The following AMOTL1 variants were observed in gnomAD, a reference collection of about 807,000 sequenced individuals.
AMOTL1 encodes the protein angiomotin like 1, also known as angiomotin-like protein 1.
A neutral mutation model predicts 102.9 loss-of-function variants in AMOTL1; 45 were observed. The ratio of observed to expected loss-of-function variants is 0.44; its 90% CI spans 0.34 to 0.56. The LOEUF (loss-of-function observed/expected upper bound fraction) is 0.56. Among genes scored for constraint, AMOTL1 ranks in the 20% least tolerant of loss-of-function variants. The pLI is 0.01. For synonymous variants in AMOTL1, 481 were observed against 484.7 expected, an observed-to-expected ratio of 0.99 and a Z score of 0.10; for missense variants, 1,114 against 1,225.6, an observed-to-expected ratio of 0.91 and a Z score of 1.36.
intron 3 of AMOTL1, among the ~76,000 whole-genome samples, chr11:94,745,555 G>T (rs1169167715): frequency 1.3e-5 from 2 of 152,120 alleles, no homozygotes; most frequent in Non-Finnish European, 2.9e-5. Context: ...TTTTTATTAT[G>T]TTGTGTCATC....
chr11:94,836,590 GT>G (rs1952186785), intron 6 of AMOTL1, among the ~76,000 whole-genome samples: 1 of 152,168 alleles, frequency 6.6e-6, no homozygotes, highest in South Asian at 2.1e-4. Context: ...CTTATGCAGT[GT>G]CAGTATCAAA....
At chr11:94,792,893 G>C (rs1228564533) in intron 1 of AMOTL1, among the ~76,000 whole-genome samples, 1 of 152,120 alleles carries the variant, frequency 6.6e-6, no homozygotes, top group Non-Finnish European at 1.5e-5. Flanking sequence ...GTGTTCTGTG[G>C]TTTGGAGTTC....
At chr11:94,774,935 C>A (rs926416870) in intron 1 of AMOTL1, among the ~76,000 whole-genome samples, 2 of 152,180 alleles carry the variant, frequency 1.3e-5, no homozygotes, top group African/African-American at 4.8e-5. Flanking sequence ...GCCTCACTTT[C>A]CTGACCATGA....
chr11:94,740,819 G>A, intron 2 of AMOTL1: 1 of 784,452 alleles, frequency 1.3e-6, no homozygotes, highest in Non-Finnish European at 1.9e-6. Context: ...CAGGGATTCT[G>A]AGCGCTGGGA....
chr11:94,762,630 A>G (rs1157943729), intron 3 of AMOTL1, among the ~76,000 whole-genome samples: 1 of 152,170 alleles, frequency 6.6e-6, no homozygotes, highest in African/African-American at 2.4e-5. Context: ...CATGTATCGA[A>G]TATCTACTCC....
At chr11:94,769,371 C>T (rs1473975688) in intron 1 of AMOTL1, among the ~76,000 whole-genome samples, 4 of 152,134 alleles carry the variant, frequency 2.6e-5, no homozygotes, top group Non-Finnish European at 4.4e-5. Flanking sequence ...GCCCCATAGG[C>T]GGCCGGGCTG....
intron 9 of AMOTL1, 41 bp from the exon 10 acceptor site, chr11:94,864,694 G>A (rs1427803768): frequency 4.4e-6 from 7 of 1,596,866 alleles, no homozygotes; most frequent in African/African-American, 4.0e-5. Context: ...GACAAAGCAA[G>A]AAGGTTTCCT....
At chr11:94,730,203 A>C (rs1211437248) in intron 2 of AMOTL1, among the ~76,000 whole-genome samples, 6 of 152,036 alleles carry the variant, frequency 3.9e-5, no homozygotes, top group Middle Eastern at 3.4e-3. Flanking sequence ...TCCAGATCTG[A>C]CCTCTGCCTG....
chr11:94,794,875 T>C, intron 1 of AMOTL1, 136 bp from the exon 2 acceptor site: 4 of 1,016,076 alleles, frequency 3.9e-6, no homozygotes, highest in Non-Finnish European at 5.6e-6. Flanking sequence ...TTTGGAATTT[T>C]ATGAATCAAA....
chr11:94,851,045 C>T (rs1000794388), intron 7 of AMOTL1, among the ~76,000 whole-genome samples: 1 of 152,174 alleles, frequency 6.6e-6, no homozygotes, highest in East Asian at 1.9e-4. Context: ...ATGGAGTAAA[C>T]GAGGGTCTTG....
intron 9 of AMOTL1, 83 bp from the exon 10 acceptor site, chr11:94,864,652 C>G (rs1178522130): frequency 3.2e-6 from 5 of 1,540,026 alleles, no homozygotes; most frequent in African/African-American, 1.4e-5. Flanking sequence ...GCATGAACAC[C>G]AGCCTCTCCA....
At chr11:94,721,291 T>C (rs1217146836) in intron 1 of AMOTL1, among the ~76,000 whole-genome samples, 2 of 152,166 alleles carry the variant, frequency 1.3e-5, no homozygotes, top group Non-Finnish European at 2.9e-5. Flanking sequence ...TTTTCAATAA[T>C]AATGTTTTAT....
chr11:94,767,959 T>G (rs1447815065), upstream of AMOTL1, among the ~76,000 whole-genome samples: 2 of 152,110 alleles, frequency 1.3e-5, no homozygotes, highest in East Asian at 3.8e-4. Flanking sequence ...ACTTTCTACC[T>G]GGAAATTCCA....
At chr11:94,807,555 G>T (rs955513218) in intron 3 of AMOTL1, among the ~76,000 whole-genome samples, 2 of 152,126 alleles carry the variant, frequency 1.3e-5, no homozygotes, top group African/African-American at 4.8e-5. Context: ...AAGAGTAGAA[G>T]AAAAATCCAT....
intron 2 of AMOTL1, among the ~76,000 whole-genome samples, chr11:94,795,632 T>C (rs1405293801): frequency 1.3e-5 from 2 of 152,212 alleles, no homozygotes; most frequent in African/African-American, 4.8e-5. Flanking sequence ...GGTTAAACTG[T>C]GAGGGAATCT....
intron 1 of AMOTL1, among the ~76,000 whole-genome samples, chr11:94,720,333 A>C (rs1591889869): frequency 6.6e-6 from 1 of 152,280 alleles, no homozygotes; most frequent in South Asian, 2.1e-4. Context: ...AATCGCATGG[A>C]AAACCAGAAA....
At chr11:94,812,257 C>T (rs1951695249) in intron 3 of AMOTL1, among the ~76,000 whole-genome samples, 2 of 152,014 alleles carry the variant, frequency 1.3e-5, no homozygotes, top group South Asian at 4.2e-4. Flanking sequence ...TTTATTTTGT[C>T]AAGCTTAAGA....
intron 3 of AMOTL1, among the ~76,000 whole-genome samples, chr11:94,808,671 C>T (rs553936221): frequency 2.0e-5 from 3 of 152,324 alleles, no homozygotes; most frequent in African/African-American, 7.2e-5. Flanking sequence ...TCTCCAGAAC[C>T]AGGCCTTCTA....
Position 94,810,382 on chromosome 11 carries a change from C to T in AMOTL1, c.1121+10071C>T, listed in dbSNP as rs370803735. Among the ~76,000 whole-genome samples, 26 of 151,686 alleles carry T rather than the reference C, an allele frequency of 1.7e-4. 1 individual carries two copies. The South Asian group carries it at 4.6e-3, about 27-fold the overall frequency. On this transcript the variant is annotated intron_variant, in intron 3 of 12. Transcript: ENST00000433060. ...ACTAGTATGGGGCTAGACCACGTGACGCTTTCATAGTGCACTTTTTTTCAA... is the reference window on the plus strand; with the variant it reads ...ACTAGTATGGGGCTAGACCACGTGATGCTTTCATAGTGCACTTTTTTTCAA...
Sources: gnomAD v4.1 joint callset for allele counts (sites outside exome capture counted in the v4.1 genomes callset) on GRCh38, gnomAD v4.1.1 for gene constraint, MANE v1.5 for transcripts, NCBI Gene and HGNC (gene_info 2026-07-23, HGNC 2026-07-21) for gene names.